The following TBC1D30 variants were observed in gnomAD, a reference collection of about 807,000 sequenced individuals.
TBC1D30 encodes TBC1 domain family member 30, also known as TBC1 domain family, member 30.
Under a neutral mutation model 63.2 loss-of-function variants are expected in TBC1D30, and 31 were observed. The ratio of observed to expected loss-of-function variants is 0.49; its 90% CI spans 0.37 to 0.66. The LOEUF is 0.66. TBC1D30 is among the 30% of genes least tolerant of loss of function. TBC1D30 has a pLI of 0.00. For missense variants in TBC1D30, 810 were observed against 953.6 expected, an observed-to-expected ratio of 0.85 and a Z score of 1.98; for synonymous variants, 307 against 361.5, an observed-to-expected ratio of 0.85 and a Z score of 1.71.
chr12:64,838,667 G>GT lies in TBC1D30; in HGVS notation c.764-13dup. ...CATCAGTTCTGAAGGAATTGAATGT[G>GT]TTTGTTTTATTTCAGGTGGATATGA... is the stretch of plus-strand genomic sequence containing the variant. On this transcript the variant is annotated splice_polypyrimidine_tract_variant and intron_variant, in intron 6 of 11. Transcript: ENST00000539867. 6.5e-7 allele frequency: 1 copy of GT among 1,536,230 alleles called. No individual in the cohort carries two copies. Among genetic ancestry groups the GT allele is most frequent in the Non-Finnish European group, 8.7e-7 (1 of 1,146,840 alleles).
intron 8 of TBC1D30, 85 bp from the exon 9 acceptor site, chr12:64,864,583 C>T: frequency 1.1e-6 from 1 of 941,612 alleles, no homozygotes; most frequent in Non-Finnish European, 1.6e-6. Context: ...CACTCGACTT[C>T]ATAAAACTTT....
chr12:64,792,905 G>A (rs1872014079), intron 2 of TBC1D30, among the ~76,000 whole-genome samples: 3 of 152,132 alleles, frequency 2.0e-5, no homozygotes. Context: ...AACTAGGTTG[G>A]GGGAGAGGCT....
chr12:64,868,469 T>C, intron 10 of TBC1D30: 1 of 242,114 alleles, frequency 4.1e-6, no homozygotes. Flanking sequence ...AGTTGCCAGC[T>C]TTTCTTGCCC....
At chr12:64,803,422 C>G (rs887521593) in intron 2 of TBC1D30, among the ~76,000 whole-genome samples, 17 of 152,270 alleles carry the variant, frequency 1.1e-4, no homozygotes, top group Admixed American at 9.2e-4. Flanking sequence ...GGGTAGATTG[C>G]AAAAATTTTC....
chr12:64,850,928 A>G (rs1428556604), intron 8 of TBC1D30, among the ~76,000 whole-genome samples: 2 of 152,082 alleles, frequency 1.3e-5, no homozygotes. Context: ...TTGGTAGGCT[A>G]TTACTGCCTC....
At chr12:64,785,716 AT>A (rs1871530795) in intron 1 of TBC1D30, among the ~76,000 whole-genome samples, 2 of 152,216 alleles carry the variant, frequency 1.3e-5, no homozygotes, top group African/African-American at 2.4e-5. Flanking sequence ...TGAGTGACTT[AT>A]TTGATCGGAA....
At chr12:64,858,146 G>C (rs114031534) in intron 8 of TBC1D30, among the ~76,000 whole-genome samples, 1,688 of 152,294 alleles carry the variant, frequency 0.011, 38 homozygotes, top group African/African-American at 0.039. Context: ...GCAGCAGGGG[G>C]CATGAATGGT....
At chr12:64,854,498 C>CTTTCTTTCTT (rs796208448) in intron 8 of TBC1D30, among the ~76,000 whole-genome samples, 2 of 138,824 alleles carry the variant, frequency 1.4e-5, no homozygotes, top group African/African-American at 5.4e-5. Context: ...CTTTTTCTTT[C>CTTTCTTTCTT]TTTTTTTTTT....
intron 4 of TBC1D30, among the ~76,000 whole-genome samples, chr12:64,831,568 T>A (rs1315461529): frequency 6.6e-6 from 1 of 152,214 alleles, no homozygotes; most frequent in Admixed American, 6.5e-5. Flanking sequence ...GATATTGCCT[T>A]CATTAAAGCA....
intron 2 of TBC1D30, among the ~76,000 whole-genome samples, chr12:64,802,791 C>T (rs1480526037): frequency 1.3e-5 from 2 of 152,144 alleles, no homozygotes; most frequent in African/African-American, 4.8e-5. Flanking sequence ...ATGATGGTTT[C>T]CAGCTTCATC....
intron 2 of TBC1D30, among the ~76,000 whole-genome samples, chr12:64,803,985 CT>C (rs1465705330): frequency 4.6e-5 from 7 of 152,134 alleles, no homozygotes; most frequent in Non-Finnish European, 8.8e-5. Flanking sequence ...AATGTGGGCT[CT>C]TTTTTGGTTC....
chr12:64,804,972 G>T (rs1284357835), intron 2 of TBC1D30, among the ~76,000 whole-genome samples: 1 of 151,976 alleles, frequency 6.6e-6, no homozygotes, highest in Non-Finnish European at 1.5e-5. Flanking sequence ...AGGCTGAGGC[G>T]GGCGGATCAC....
At chr12:64,854,938 T>C (rs1261285276) in intron 8 of TBC1D30, among the ~76,000 whole-genome samples, 1 of 152,256 alleles carries the variant, frequency 6.6e-6, no homozygotes, top group Non-Finnish European at 1.5e-5. Flanking sequence ...TTAACATCCT[T>C]TTCTTTCAGA....
At chr12:64,774,348 A>C (rs1313163303) in intron 1 of TBC1D30, among the ~76,000 whole-genome samples, 1 of 152,188 alleles carries the variant, frequency 6.6e-6, no homozygotes, top group Non-Finnish European at 1.5e-5. Flanking sequence ...GGCAAATGGA[A>C]CCAATTTGGA....
chr12:64,769,412 C>T (rs561110407), intron 1 of TBC1D30, among the ~76,000 whole-genome samples: 8 of 150,930 alleles, frequency 5.3e-5, no homozygotes, highest in South Asian at 4.2e-4. Context: ...GAGTCTTGCT[C>T]TGTTGCCCAG....
Position 64,875,314 on chromosome 12 carries a change from G to C in TBC1D30, c.1812G>C (p.Leu604=). ...EQNEASKTNG[L]GAAEAFPSGC... ...ACGAGGCCAGCAAGACCAATGGGCT[G>C]GGGGCAGCAGAGGCATTCCCCTCTG... Residue 604 remains leucine (L), a synonymous_variant, in exon 12 of 12, where the codon CTG becomes CTC. Transcript: ENST00000539867. The C allele has an allele frequency of 6.5e-6, 10 of 1,536,296 alleles. No individual in the cohort carries two copies. Among genetic ancestry groups the C allele is most frequent in the Non-Finnish European group, 7.8e-6 (9 of 1,146,920 alleles).
upstream of TBC1D30, among the ~76,000 whole-genome samples, chr12:64,775,924 A>G (rs997358880): frequency 6.6e-6 from 1 of 152,326 alleles, no homozygotes; most frequent in South Asian, 2.1e-4. Flanking sequence ...AATCATAACA[A>G]TATCTCAGAC....
Position 64,881,022 on chromosome 12 carries a change from AT to A in TBC1D30, c.*5235del, listed in dbSNP as rs1436870404. 69 of 152,188 alleles carry A rather than the reference AT, an allele frequency of 4.5e-4. No homozygotes were observed. The highest frequency in any genetic ancestry group is 1.6e-3 in the African/African-American group (67 of 41,512). The allele number at this position is 152,188 out of a possible 1,614,324, so 9.4% of individuals were successfully genotyped here. A position where few individuals can be genotyped will look rare whatever the true frequency, so the allele number is the denominator to read the frequency against. On this transcript the variant is annotated 3_prime_UTR_variant, in exon 12 of 12. Coordinates refer to ENST00000539867, the MANE Select transcript of TBC1D30 (RefSeq NM_015279.2). ...ATTAAAACATGAAACAAAGCAAAAA[AT>A]AAAAAAAAACCTCCTTAGTAATTGT...
At position 64,875,932 on chromosome 12, in the gene TBC1D30, G is replaced by A. The variant is rs1171112864; in HGVS notation, c.*144G>A. ...AACAGCCCATAAAAAATGGGAACTG[G>A]AAGTTTTATAATAGGAGTTAGAACA... On this transcript the variant is annotated 3_prime_UTR_variant, in exon 12 of 12. Transcript: ENST00000539867. 2.4e-6 allele frequency: 2 copies of A among 846,136 alleles called. No homozygotes were observed. The highest frequency in any genetic ancestry group is 2.2e-5 in the South Asian group (1 of 46,488). The allele number at this position is 846,136 out of a possible 1,614,324, so 52.4% of individuals were successfully genotyped here. A position where few individuals can be genotyped will look rare whatever the true frequency, so the allele number is the denominator to read the frequency against.
Sources: allele counts gnomAD v4.1 joint callset (sites outside exome capture counted in the v4.1 genomes callset), GRCh38; gene constraint gnomAD v4.1.1; transcripts MANE v1.5; gene names NCBI Gene and HGNC (gene_info 2026-07-23, HGNC 2026-07-21).